Variants in MYO16 observed in about 807,000 individuals in gnomAD.
MYO16 encodes the protein unconventional myosin-XVI.
In MYO16, 94 loss-of-function variants were observed where a neutral mutation model predicts 205.3. The ratio of observed to expected loss-of-function variants is 0.46; its 90% confidence interval spans 0.39 to 0.54. The LOEUF (loss-of-function observed/expected upper bound fraction) is 0.54. Among genes scored for constraint, MYO16 ranks in the 20% least tolerant of loss-of-function variants. The pLI, the probability that MYO16 is intolerant of heterozygous loss-of-function variation, is 0.00. For missense variants in MYO16, 2,315 were observed against 2,387.5 expected (o/e 0.97, Z 0.63); for synonymous variants, 988 against 954.0 (o/e 1.04, Z -0.66).
intron 4 of MYO16, among the ~76,000 whole-genome samples, chr13:108,765,298 C>T (rs958187744): frequency 3.9e-5 from 6 of 152,072 alleles, no homozygotes; most frequent in Admixed American, 2.0e-4. Context: ...CTTTTATATA[C>T]ATTTTTACTA....
chr13:108,780,223 T>C (rs1293877678), intron 4 of MYO16, among the ~76,000 whole-genome samples: 1 of 152,128 alleles, frequency 6.6e-6, no homozygotes, highest in African/African-American at 2.4e-5. Context: ...AATGAAGATA[T>C]ATTAGAATGA....
intron 2 of MYO16, among the ~76,000 whole-genome samples, chr13:108,687,658 C>T (rs1314703339): frequency 1.3e-5 from 2 of 152,202 alleles, no homozygotes; most frequent in Non-Finnish European, 2.9e-5. Context: ...GAACAACGCA[C>T]TTAACCCACA....
chr13:108,666,772 C>A (rs1881751383), intron 2 of MYO16, among the ~76,000 whole-genome samples: 2 of 152,154 alleles, frequency 1.3e-5, no homozygotes, highest in South Asian at 2.1e-4. Flanking sequence ...TTACCCAATG[C>A]AAATCTCAAT....
In MYO16 at chr13:108,600,496, AC is replaced by A. The variant is rs550190958; in HGVS notation, c.-39+4258del. ...TAACGCTGCTACTGTTGACCGTTAT[AC>A]ATTCAGAAGACTTTAAGTTCCATCA... On this transcript the variant is annotated intron_variant, in intron 1 of 24. Coordinates refer to the MYO16 transcript ENST00000251041. Among the ~76,000 whole-genome samples the A allele has an allele frequency of 2.6e-5, 4 of 152,314 alleles. No individual in the cohort carries two copies. The South Asian group carries it at 8.3e-4, about 32-fold the overall frequency.
chr13:108,998,341 CAT>C (rs1885102584), intron 21 of MYO16, among the ~76,000 whole-genome samples: 1 of 152,130 alleles, frequency 6.6e-6, no homozygotes, highest in East Asian at 1.9e-4. Context: ...ATTCAATAAA[CAT>C]ATATTGTATA....
upstream of MYO16, among the ~76,000 whole-genome samples, chr13:108,626,854 T>A (rs1435933727): frequency 1.4e-5 from 2 of 147,374 alleles, no homozygotes; most frequent in African/African-American, 4.9e-5. Context: ...TGTATATATA[T>A]ATATGTATAT....
At chr13:108,757,622 C>T (rs1010189228) in intron 4 of MYO16, among the ~76,000 whole-genome samples, 44 of 152,066 alleles carry the variant, frequency 2.9e-4, no homozygotes, top group Non-Finnish European at 8.8e-5. Flanking sequence ...AATGCTATCC[C>T]TCCCCCTTCT....
At chr13:109,045,103 C>A (rs1886999043) in intron 23 of MYO16, among the ~76,000 whole-genome samples, 1 of 152,170 alleles carries the variant, frequency 6.6e-6, no homozygotes, top group African/African-American at 2.4e-5. Context: ...TTGCCTAATT[C>A]CACATAGCTT....
At chr13:108,504,840 C>T in the MYO16 span, among the ~76,000 whole-genome samples, 1 of 152,144 alleles carries the variant, frequency 6.6e-6, no homozygotes, top group East Asian at 1.9e-4. Context: ...CTGCCAATAA[C>T]CACATTCTAT....
Position 109,171,258 on chromosome 13 carries a change from G to A in MYO16, c.5323+6199G>A, listed in dbSNP as rs181984356. Among the ~76,000 whole-genome samples, 4 of 152,324 alleles carry A rather than the reference G, an allele frequency of 2.6e-5. No individual in the cohort carries two copies. In the East Asian group the frequency reaches 5.8e-4, roughly 22 times the overall value. On this transcript the variant is annotated intron_variant, in intron 33 of 34. Coordinates refer to ENST00000457511, the MANE Select transcript of MYO16 (RefSeq NM_001198950.3). ...TAGAAATTGAACAAACATTACACAT[G>A]TGCAGAATGTGATGTATACATGAGC...
intron 16 of MYO16, among the ~76,000 whole-genome samples, chr13:108,919,400 T>C (rs1881643114): frequency 6.6e-6 from 1 of 152,264 alleles, no homozygotes; most frequent in Non-Finnish European, 1.5e-5. Context: ...TAATAAATAT[T>C]GCTTTTCTGT....
Position 109,140,568 on chromosome 13 carries a change from C to G in MYO16, c.4356C>G (p.Ser1452=). The G allele has an allele frequency of 2.0e-6, 3 of 1,537,362 alleles. No individual in the cohort carries two copies. Among genetic ancestry groups the G allele is most frequent in the Non-Finnish European group, 2.6e-6 (3 of 1,148,654 alleles). The change falls in exon 32 of 35, where the codon TCC becomes TCG. Residue 1452 remains serine (S), a synonymous_variant. Transcript: ENST00000457511. This position sits in a 1 kb window ranked among gnomAD's most constrained non-coding sequence, Gnocchi z 8.0. ...CCGATAGCCCGGACCCCGGGGAGTC[C>G]GTGTACGAGGAGATGAAGTGTTGCC... The part of the protein sequence containing the change: ...ARPDSPDPGE[S]VYEEMKCCLP...
chr13:108,666,123 C>T lies in MYO16; in HGVS notation c.266C>T (p.Ala89Val), dbSNP rs1291880607. 1.2e-6 allele frequency: 2 copies of T among 1,608,628 alleles called. No homozygotes were observed. The highest frequency in any genetic ancestry group is 1.7e-6 in the Non-Finnish European group (2 of 1,175,498). ...AACCTCACGGACATGCTACAGGACG[C>T]GATTATCCACCACAATGACAAAGAA... ...HFNLTDMLQD[A>V]IIHHNDKEVL... Residue 89 changes from alanine to valine, a missense_variant, in exon 2 of 35, where the codon GCG (alanine) becomes GTG (valine). Around this residue, in one of 3 missense-constraint regions of MYO16, gnomAD observed 1,213 missense variants for 1,274.4 expected, o/e 0.95. Transcript: ENST00000457511.
At chr13:108,897,969 T>C (rs377658451) in intron 14 of MYO16, 47 bp from the exon 15 acceptor site, 33 of 1,412,076 alleles carry the variant, frequency 2.3e-5, no homozygotes, top group Non-Finnish European at 3.3e-5. Flanking sequence ...ATCAATTTTA[T>C]TTCTTAAAAT....
intron 34 of MYO16, among the ~76,000 whole-genome samples, chr13:109,200,640 A>AT (rs1566560665): frequency 6.7e-6 from 1 of 149,550 alleles, no homozygotes; most frequent in Admixed American, 6.7e-5. Flanking sequence ...GTAAGACAGC[A>AT]TTTTTTTCCA....
intron 1 of MYO16, among the ~76,000 whole-genome samples, chr13:108,633,356 C>A (rs1880074880): frequency 6.6e-6 from 1 of 152,206 alleles, no homozygotes; most frequent in South Asian, 2.1e-4. Context: ...AGTAGGAAAG[C>A]TGACAGTGCA....
chr13:108,796,200 G>A (rs1318443206), intron 6 of MYO16, among the ~76,000 whole-genome samples: 2 of 152,178 alleles, frequency 1.3e-5, no homozygotes, highest in Non-Finnish European at 2.9e-5. Flanking sequence ...AGGGGCATGA[G>A]CCTGCTCCGT....
rs1279299334 is a variant in MYO16, at chr13:109,125,251, T to G, written c.3675T>G (p.Asn1225Lys). The G allele has an allele frequency of 1.9e-6, 3 of 1,614,174 alleles. No homozygotes were observed. In the East Asian group the frequency reaches 6.7e-5, roughly 36 times the overall value. The change falls in exon 30 of 35, where the codon AAT becomes AAG. Residue 1225 changes from asparagine (N) to lysine (K), a missense_variant. Physicochemically the swap from Asn to Lys is moderately conservative, Grantham distance 94 (BLOSUM62 0). This residue lies in a region of MYO16 where 1,097 missense variants were observed against 1,092.0 expected (regional missense o/e 1.00). Transcript: ENST00000457511. The surrounding 1 kb of genome is among the most constrained non-coding windows in gnomAD (Gnocchi z 4.0). ...LKTYDALVIQ[N>K]ASDIARENDR... is the part of the protein sequence containing the mutation. Reference sequence around the variant, plus strand: ...CCTACGATGCCCTGGTCATTCAGAATGCTTCAGACATTGCCCGGGAAAATG... The same window carrying G: ...CCTACGATGCCCTGGTCATTCAGAAGGCTTCAGACATTGCCCGGGAAAATG...
intron 2 of MYO16, among the ~76,000 whole-genome samples, chr13:108,707,713 T>C (rs549844034): frequency 8.5e-5 from 13 of 152,336 alleles, no homozygotes; most frequent in African/African-American, 3.1e-4. Context: ...TTCTGTCTCT[T>C]CCAAATGAGG....
Sources: allele counts gnomAD v4.1 joint callset (sites outside exome capture counted in the v4.1 genomes callset), GRCh38; gene constraint gnomAD v4.1.1; regional missense constraint gnomAD v4.1.1; non-coding constraint Gnocchi (gnomAD v3.1); transcripts MANE v1.5; gene names NCBI Gene and HGNC (gene_info 2026-07-23, HGNC 2026-07-21).